RCHY1: variants seen among roughly 807,000 people sequenced by gnomAD.
The protein encoded by RCHY1 is RING finger and CHY zinc finger domain-containing protein 1.
A neutral mutation model predicts 41.6 loss-of-function variants in RCHY1; 21 were observed. That is an observed-to-expected ratio of 0.51 (90% confidence interval 0.36 to 0.73). The LOEUF is 0.73. RCHY1 is among the 30% of genes least tolerant of loss of function. The pLI is 0.00. For missense variants in RCHY1, 265 were observed against 325.3 expected, an observed-to-expected ratio of 0.81 and a Z score of 1.43; for synonymous variants, 79 against 102.9, an observed-to-expected ratio of 0.77 and a Z score of 1.41.
At chr4:75,492,345 T>C (rs889328168) in intron 4 of RCHY1, among the ~76,000 whole-genome samples, 1 of 151,988 alleles carries the variant, frequency 6.6e-6, no homozygotes, top group African/African-American at 2.4e-5. Flanking sequence ...TTATTGAAAT[T>C]TACTACATGC....
intron 7 of RCHY1, chr4:75,491,021 A>C (rs1405665084): frequency 5.3e-6 from 1 of 188,618 alleles, no homozygotes; most frequent in Non-Finnish European, 1.1e-5. Flanking sequence ...TTAATTTCTT[A>C]ATACACTCAT....
chr4:75,507,648 G>C (rs1724456747), intron 3 of RCHY1, among the ~76,000 whole-genome samples: 1 of 151,974 alleles, frequency 6.6e-6, no homozygotes, highest in South Asian at 2.1e-4. Flanking sequence ...AATGGAAAAG[G>C]ATATACATGC....
intron 8 of RCHY1, among the ~76,000 whole-genome samples, chr4:75,490,277 C>A (rs1270479615): frequency 6.6e-6 from 1 of 151,972 alleles, no homozygotes; most frequent in African/African-American, 2.4e-5. Context: ...AGTGATCCAA[C>A]CCTAGTCAGT....
chr4:75,493,634 A>AT (rs956500506), intron 4 of RCHY1, among the ~76,000 whole-genome samples: 13 of 151,402 alleles, frequency 8.6e-5, no homozygotes, highest in African/African-American at 3.1e-4. Flanking sequence ...ACTTTATTAG[A>AT]TTTTTTTTTA....
At chr4:75,490,766 G>T in intron 7 of RCHY1, 65 bp from the exon 8 acceptor site, 1 of 1,295,676 alleles carries the variant, frequency 7.7e-7, no homozygotes, top group Non-Finnish European at 1.1e-6. Flanking sequence ...AGGTATACAA[G>T]AAGATGCAGG....
intron 8 of RCHY1, among the ~76,000 whole-genome samples, chr4:75,485,121 G>A (rs895884823): frequency 6.6e-6 from 1 of 152,146 alleles, no homozygotes; most frequent in African/African-American, 2.4e-5. Flanking sequence ...TAAAATATAG[G>A]CCCTTAGGTA....
intron 3 of RCHY1, among the ~76,000 whole-genome samples, chr4:75,502,659 G>A (rs1723894242): frequency 6.6e-6 from 1 of 152,096 alleles, no homozygotes; most frequent in Non-Finnish European, 1.5e-5. Flanking sequence ...TCATAAATCT[G>A]ATACATTATG....
At position 75,491,622 on chromosome 4, in the gene RCHY1, T is replaced by A; in HGVS notation, c.525A>T (p.Glu175Asp). Residue 175 changes from glutamate to aspartate, a missense_variant, in exon 7 of 9, where the codon GAA becomes GAT. By Grantham distance (45) the Glu-to-Asp change is conservative. Coordinates refer to ENST00000324439, the MANE Select transcript of RCHY1 (RefSeq NM_015436.4). The stretch of plus-strand genomic sequence containing the variant: ...TCCCAAACACTCACTCTTTCAACAT[T>A]TCTTCATAACACGTTCTGAAAGAAA... ...GHLLHRTCYEEMLKEGYRCPL... is the reference protein window; with the variant it reads ...GHLLHRTCYEDMLKEGYRCPL... The A allele has an allele frequency of 6.2e-7, 1 of 1,601,902 alleles. No individual in the cohort carries two copies. The highest frequency in any genetic ancestry group is 8.5e-7 in the Non-Finnish European group (1 of 1,169,970).
chr4:75,492,340 G>A (rs1183101561), intron 4 of RCHY1, among the ~76,000 whole-genome samples: 1 of 151,864 alleles, frequency 6.6e-6, no homozygotes, highest in Non-Finnish European at 1.5e-5. Context: ...TCATATTATT[G>A]AAATTTACTA....
intron 8 of RCHY1, 63 bp from the exon 9 acceptor site, chr4:75,482,729 C>A: frequency 1.8e-6 from 2 of 1,114,122 alleles, no homozygotes; most frequent in East Asian, 2.8e-5. Context: ...GCATTGTCTA[C>A]TCATAATCCC....
At chr4:75,506,951 C>A (rs1288715604) in intron 3 of RCHY1, among the ~76,000 whole-genome samples, 4 of 151,946 alleles carry the variant, frequency 2.6e-5, no homozygotes, top group African/African-American at 9.7e-5. Flanking sequence ...TATTTTTAAA[C>A]AGAAACCATG....
chr4:75,513,778 G>A (rs1044733903), intron 1 of RCHY1, among the ~76,000 whole-genome samples: 1 of 152,152 alleles, frequency 6.6e-6, no homozygotes, highest in African/African-American at 2.4e-5. Context: ...AAGCTGGCAG[G>A]CTATAAAACT....
At chr4:75,486,804 C>T (rs1722049559) in intron 8 of RCHY1, among the ~76,000 whole-genome samples, 1 of 152,120 alleles carries the variant, frequency 6.6e-6, no homozygotes, top group Non-Finnish European at 1.5e-5. Context: ...TACAGTGAAA[C>T]CCCGTCTCTA....
chr4:75,487,405 T>G (rs1328876696), intron 8 of RCHY1, among the ~76,000 whole-genome samples: 1 of 146,964 alleles, frequency 6.8e-6, no homozygotes, highest in Non-Finnish European at 1.5e-5. Context: ...TTTTAAAACC[T>G]GTTAATTCTC....
At position 75,499,475 on chromosome 4, in the gene RCHY1, T is replaced by C. The variant is rs374573916; in HGVS notation, c.327-5296A>G. 4.2e-4 allele frequency among the ~76,000 whole-genome samples: 64 copies of C among 152,334 alleles called. 1 individual carries two copies. Among genetic ancestry groups the C allele is most frequent in the African/African-American group, 1.5e-3 (64 of 41,576 alleles). Reference sequence around the variant, plus strand: ...CTCAAAGGGTATCTGCACTCCCATGTTTACTGCAGCACTATTCAAAATAGC... The same window carrying C: ...CTCAAAGGGTATCTGCACTCCCATGCTTACTGCAGCACTATTCAAAATAGC... On this transcript the variant is annotated intron_variant, in intron 3 of 8. Transcript: ENST00000324439.
intron 3 of RCHY1, among the ~76,000 whole-genome samples, chr4:75,502,356 C>T (rs967320279): frequency 4.6e-5 from 7 of 151,800 alleles, no homozygotes; most frequent in South Asian, 2.1e-4. Context: ...CTGGCTAACA[C>T]GGTGAAACCC....
chr4:75,504,393 A>C (rs1442110932), intron 3 of RCHY1, among the ~76,000 whole-genome samples: 1 of 152,214 alleles, frequency 6.6e-6, no homozygotes, highest in Non-Finnish European at 1.5e-5. Flanking sequence ...AGCCTACTCA[A>C]CATGAAGAAG....
intron 8 of RCHY1, 99 bp from the exon 9 acceptor site, chr4:75,482,765 AATAC>A (rs1200416872): frequency 2.6e-6 from 2 of 766,960 alleles, no homozygotes; most frequent in African/African-American, 1.8e-5. Context: ...AAGATGTGAA[AATAC>A]ATACATAAGT....
intron 4 of RCHY1, among the ~76,000 whole-genome samples, chr4:75,492,609 T>C (rs1360840824): frequency 6.6e-6 from 1 of 151,900 alleles, no homozygotes; most frequent in Non-Finnish European, 1.5e-5. Flanking sequence ...CACTGTGCCA[T>C]GGAAGACTCC....
Sources: allele counts gnomAD v4.1 joint callset (sites outside exome capture counted in the v4.1 genomes callset), GRCh38; gene constraint gnomAD v4.1.1; transcripts MANE v1.5; gene names NCBI Gene and HGNC (gene_info 2026-07-23, HGNC 2026-07-21).